Variants in AR observed in about 807,000 individuals in gnomAD.
AR encodes the protein dihydrotestosterone receptor.
Under a neutral mutation model 53.9 loss-of-function variants are expected in AR, and 8 were observed. The ratio of observed to expected loss-of-function variants is 0.15; its 90% CI spans 0.09 to 0.27. The LOEUF is 0.27. Among genes scored for constraint, AR ranks in the 10% least tolerant of loss-of-function variants. The pLI is 1.00. For missense variants in AR, 639 were observed against 742.5 expected (o/e 0.86, Z 1.62); for synonymous variants, 359 against 316.4 (o/e 1.13, Z -1.43).
chrX:67,713,543 C>T (rs2076101817), intron 4 of AR, among the ~76,000 whole-genome samples: 1 of 111,326 alleles, frequency 9.0e-6, no homozygotes, highest in Non-Finnish European at 1.9e-5. Flanking sequence ...ATATATGATC[C>T]CACTTAATCT....
At chrX:67,641,970 T>C (rs1203234676) in intron 1 of AR, among the ~76,000 whole-genome samples, 1 of 109,873 alleles carries the variant, frequency 9.1e-6, no homozygotes, top group African/African-American at 3.3e-5. Flanking sequence ...GGAAACTGTG[T>C]TGGACTTGTA....
chrX:67,723,666 CCT>C lies in AR; in HGVS notation c.2608-17_2608-16del, dbSNP rs749355366. On this transcript the variant is annotated intron_variant, in intron 7 of 7. Transcript: ENST00000374690. Reference sequence around the variant, plus strand: ...CCTCCTTGTCAACCCTGTTTTTCTCCCTCTTATTGTTCCCTACAGATTGCGAG... The same window carrying C: ...CCTCCTTGTCAACCCTGTTTTTCTCCCTTATTGTTCCCTACAGATTGCGAG... The C allele has an allele frequency of 1.4e-4, 166 of 1,206,391 alleles. No individual in the cohort carries two copies. Among genetic ancestry groups the C allele is most frequent in the Non-Finnish European group, 1.8e-4 (157 of 893,717 alleles).
intron 3 of AR, among the ~76,000 whole-genome samples, chrX:67,705,187 T>C (rs1270026701): frequency 9.0e-6 from 1 of 111,692 alleles, no homozygotes; most frequent in African/African-American, 3.3e-5. Context: ...GTGGAGAAAG[T>C]CATTGATAGC....
intron 3 of AR, among the ~76,000 whole-genome samples, chrX:67,705,065 G>A (rs1189158125): frequency 9.0e-6 from 1 of 111,704 alleles, no homozygotes; most frequent in African/African-American, 3.3e-5. Context: ...AGTATAGTTT[G>A]AAGTCAGGTA....
intron 1 of AR, among the ~76,000 whole-genome samples, chrX:67,590,523 G>A (rs753070359): frequency 2.7e-5 from 3 of 112,094 alleles, no homozygotes; most frequent in Non-Finnish European, 5.6e-5. Flanking sequence ...AGAGAATTAA[G>A]TAATATGAGG....
chrX:67,689,434 C>G (rs5919410), intron 3 of AR: 38 of 393,695 alleles, frequency 9.7e-5, no homozygotes, highest in Non-Finnish European at 1.3e-4. Context: ...ATCTGGCTTT[C>G]TCTATAGTGT....
At chrX:67,559,091 T>C (rs899852209) in intron 1 of AR, among the ~76,000 whole-genome samples, 1 of 112,446 alleles carries the variant, frequency 8.9e-6, no homozygotes, top group Non-Finnish European at 1.9e-5. Context: ...CTTCAAACAC[T>C]GAACAACTCA....
intron 3 of AR, among the ~76,000 whole-genome samples, chrX:67,688,761 T>A (rs2075980372): frequency 9.0e-6 from 1 of 111,563 alleles, no homozygotes; most frequent in African/African-American, 3.3e-5. Flanking sequence ...CTGAATGAAC[T>A]TATCTCCACG....
rs183055122 is a variant in AR, at chrX:67,703,586, C to T, written c.1886-7816C>T. On this transcript the variant is annotated intron_variant, in intron 3 of 7. Transcript: ENST00000374690. The stretch of plus-strand genomic sequence containing the variant: ...ACTATTGAGGACTTCAGCCTTTCAC[C>T]GCTCTTCTCCCCTTTGCTAAAAAAG... Among the ~76,000 whole-genome samples, 34 of 111,705 alleles carry T rather than the reference C, an allele frequency of 3.0e-4. No individual in the cohort carries two copies. The East Asian group carries it at 8.2e-3, about 27-fold the overall frequency.
chrX:67,579,766 G>A (rs1922208765), intron 1 of AR, among the ~76,000 whole-genome samples: 1 of 111,453 alleles, frequency 9.0e-6, no homozygotes, highest in South Asian at 3.8e-4. Context: ...GGCTCTCTTC[G>A]TTTCTTCCTC....
intron 4 of AR, among the ~76,000 whole-genome samples, chrX:67,716,042 G>A (rs887048265): frequency 9.0e-6 from 1 of 111,504 alleles, no homozygotes; most frequent in African/African-American, 3.3e-5. Flanking sequence ...GCTTAAGGGA[G>A]GTAATTTGGA....
intron 1 of AR, among the ~76,000 whole-genome samples, chrX:67,608,763 C>T (rs1264655699): frequency 2.7e-5 from 3 of 111,743 alleles, no homozygotes; most frequent in African/African-American, 9.7e-5. Flanking sequence ...TTTTTATTTT[C>T]TATATTTGTC....
intron 3 of AR, among the ~76,000 whole-genome samples, chrX:67,692,824 G>A (rs948112736): frequency 9.0e-6 from 1 of 111,690 alleles, no homozygotes; most frequent in Non-Finnish European, 1.9e-5. Context: ...GTTACAGTGT[G>A]GCTTTTGGTT....
chrX:67,706,347 G>T (rs1174962287), intron 3 of AR, among the ~76,000 whole-genome samples: 1 of 111,686 alleles, frequency 9.0e-6, no homozygotes, highest in African/African-American at 3.3e-5. Flanking sequence ...TCTATTAAGA[G>T]ATTCAACTTC....
At chrX:67,701,438 C>G (rs1443785687) in intron 3 of AR, among the ~76,000 whole-genome samples, 1 of 111,473 alleles carries the variant, frequency 9.0e-6, no homozygotes, top group Admixed American at 9.5e-5. Flanking sequence ...TGACCTTGCC[C>G]TCTCTGGCTT....
At chrX:67,582,641 T>G (rs1439087820) in intron 1 of AR, among the ~76,000 whole-genome samples, 1 of 111,780 alleles carries the variant, frequency 8.9e-6, no homozygotes, top group African/African-American at 3.3e-5. Flanking sequence ...CAGTCATGAG[T>G]CTGCTCCAAA....
At chrX:67,655,861 A>T (rs760369900) in intron 2 of AR, among the ~76,000 whole-genome samples, 2 of 112,590 alleles carry the variant, frequency 1.8e-5, no homozygotes, top group East Asian at 5.6e-4. Flanking sequence ...CACAAATGAG[A>T]AATCAGTCCC....
At chrX:67,682,530 A>G (rs1195659966) in intron 2 of AR, among the ~76,000 whole-genome samples, 4 of 110,799 alleles carry the variant, frequency 3.6e-5, no homozygotes, top group African/African-American at 1.3e-4. Flanking sequence ...TGCTCAAGCA[A>G]TCTTTCCACC....
intron 1 of AR, among the ~76,000 whole-genome samples, chrX:67,630,589 AT>A (rs1160829649): frequency 9.0e-6 from 1 of 110,837 alleles, no homozygotes; most frequent in Non-Finnish European, 1.9e-5. Context: ...TTGACTCTTT[AT>A]CCAATTTGCC....
Sources: allele counts gnomAD v4.1 joint callset (sites outside exome capture counted in the v4.1 genomes callset), GRCh38; gene constraint gnomAD v4.1.1; transcripts MANE v1.5; gene names NCBI Gene and HGNC (gene_info 2026-07-23, HGNC 2026-07-21).